Variants in CAMTA1 observed in about 807,000 individuals in gnomAD.
CAMTA1 encodes the protein calmodulin-binding transcription activator 1.
Under a neutral mutation model 170.9 loss-of-function variants are expected in CAMTA1, and 27 were observed. The observed-to-expected ratio is 0.16, with a 90% CI of 0.12 to 0.22. The LOEUF is 0.22. CAMTA1 is among the 10% of genes least tolerant of loss of function. The pLI is 1.00. For synonymous variants in CAMTA1, 833 were observed against 891.5 expected (o/e 0.93, Z 1.17); for missense variants, 1,619 against 2,217.2 (o/e 0.73, Z 5.42).
chr1:6,839,437 C>T (rs1276580289), intron 3 of CAMTA1, among the ~76,000 whole-genome samples: 1 of 152,088 alleles, frequency 6.6e-6, no homozygotes. Context: ...AATTTAATGC[C>T]ATCATTTATG....
intron 3 of CAMTA1, among the ~76,000 whole-genome samples, chr1:7,024,092 G>T (rs1028784422): frequency 1.8e-4 from 27 of 151,752 alleles, no homozygotes; most frequent in African/African-American, 6.1e-4. Flanking sequence ...AGATGGTCCT[G>T]ATGAGATCCA....
chr1:6,822,727 G>T (rs1052168331), intron 2 of CAMTA1, among the ~76,000 whole-genome samples: 18 of 151,782 alleles, frequency 1.2e-4, no homozygotes, highest in African/African-American at 4.4e-4. Flanking sequence ...TATCAGAGTG[G>T]AAGACTGAAG....
intron 6 of CAMTA1, among the ~76,000 whole-genome samples, chr1:7,470,523 G>C (rs1188492228): frequency 6.6e-6 from 1 of 152,220 alleles, no homozygotes; most frequent in African/African-American, 2.4e-5. Context: ...CATGTTGGGA[G>C]CTGAGGAAGG....
intron 6 of CAMTA1, among the ~76,000 whole-genome samples, chr1:7,614,472 A>T (rs979621387): frequency 2.0e-5 from 3 of 152,138 alleles, no homozygotes; most frequent in African/African-American, 7.2e-5. Context: ...TTTTGTACGT[A>T]ATGACAATCA....
At chr1:7,607,305 T>C (rs2095493764) in intron 6 of CAMTA1, among the ~76,000 whole-genome samples, 1 of 150,396 alleles carries the variant, frequency 6.6e-6, no homozygotes, top group Non-Finnish European at 1.5e-5. Context: ...GATGGTTGGA[T>C]GGAATGGTAG....
chr1:6,801,392 A>G (rs1019109589), intron 1 of CAMTA1, among the ~76,000 whole-genome samples: 13 of 152,110 alleles, frequency 8.5e-5, no homozygotes, highest in Non-Finnish European at 7.4e-5. Flanking sequence ...GGATGGATTT[A>G]GCTGCTCTGG....
chr1:7,720,344 C>T (rs1187196099), intron 11 of CAMTA1, among the ~76,000 whole-genome samples: 1 of 152,126 alleles, frequency 6.6e-6, no homozygotes, highest in Non-Finnish European at 1.5e-5. Context: ...AAAGGGGGAA[C>T]ATCTCAAAGT....
At chr1:7,109,976 G>A (rs777962886) in intron 4 of CAMTA1, among the ~76,000 whole-genome samples, 1 of 152,216 alleles carries the variant, frequency 6.6e-6, no homozygotes, top group Non-Finnish European at 1.5e-5. Flanking sequence ...TTTGGCCTCA[G>A]TGGCTCTGCT....
intron 3 of CAMTA1, among the ~76,000 whole-genome samples, chr1:6,902,054 C>CACAA (rs1455348114): frequency 2.0e-5 from 2 of 101,488 alleles, no homozygotes; most frequent in African/African-American, 3.6e-5. Flanking sequence ...CACACACACA[C>CACAA]ACACACACAC....
At chr1:7,269,668 G>A (rs1044166183) in intron 5 of CAMTA1, among the ~76,000 whole-genome samples, 1 of 152,208 alleles carries the variant, frequency 6.6e-6, no homozygotes, top group African/African-American at 2.4e-5. Flanking sequence ...TTAAACTGAA[G>A]CACTCAGAGA....
rs563799668 is a variant in CAMTA1, at chr1:7,648,357, G to C, written c.664+7804G>C. ...CAGTGAGCCAAGATCGTGCCATTGT[G>C]CTCCAGCCTGGGCAACAGAGTGAGA... On this transcript the variant is annotated intron_variant, in intron 7 of 22. Transcript: ENST00000303635. Among the ~76,000 whole-genome samples the C allele has an allele frequency of 3.3e-5, 5 of 150,254 alleles. No individual in the cohort carries two copies. In the South Asian group the frequency reaches 8.5e-4, roughly 25 times the overall value.
intron 6 of CAMTA1, among the ~76,000 whole-genome samples, chr1:7,638,030 C>T (rs1379106730): frequency 6.6e-6 from 1 of 152,216 alleles, no homozygotes; most frequent in African/African-American, 2.4e-5. Context: ...TTATGCCAGT[C>T]TCCTTTCTTA....
At chr1:7,700,164 A>T (rs1046908323) in intron 11 of CAMTA1, among the ~76,000 whole-genome samples, 2 of 151,374 alleles carry the variant, frequency 1.3e-5, no homozygotes, top group Non-Finnish European at 2.9e-5. Flanking sequence ...TTTACCTCTT[A>T]TATGTAGGTC....
chr1:7,647,928 A>G (rs1292201597), intron 7 of CAMTA1, among the ~76,000 whole-genome samples: 3 of 152,194 alleles, frequency 2.0e-5, no homozygotes, highest in Non-Finnish European at 4.4e-5. Flanking sequence ...TACAAAAAAT[A>G]GAAAAATTAG....
chr1:6,815,420 T>C lies in CAMTA1; in HGVS notation c.46-4761T>C, dbSNP rs1281711520. ...AGTCTTGCCATGTTGCCCAGGCTGG[T>C]ATTGAACTCCTGGGCTTAAGCAGTC... On this transcript the variant is annotated intron_variant, in intron 1 of 22. Coordinates refer to ENST00000303635, the MANE Select transcript of CAMTA1 (RefSeq NM_015215.4). Among the ~76,000 whole-genome samples, 3 of 152,162 alleles carry C rather than the reference T, an allele frequency of 2.0e-5. No homozygotes were observed. The East Asian group carries it at 5.8e-4, about 29-fold the overall frequency.
chr1:7,071,366 A>G (rs1427770972), intron 3 of CAMTA1, among the ~76,000 whole-genome samples: 4 of 152,260 alleles, frequency 2.6e-5, no homozygotes, highest in South Asian at 4.1e-4. Context: ...TTCACCCTGT[A>G]AGATGTATGG....
rs1474360502 is a variant in CAMTA1 at position 7,044,814 on chromosome 1, T to A, written c.235-46490T>A. On this transcript the variant is annotated intron_variant, in intron 3 of 22. Transcript: ENST00000303635. This position sits in a 1 kb window ranked among gnomAD's most constrained non-coding sequence, Gnocchi z 5.0. Reference sequence around the variant, plus strand: ...CCCTCACGTCCTCTCCCCCACTCCCTCCTCTTCCCGCCTGTGGTTTTCTTT... The same window carrying A: ...CCCTCACGTCCTCTCCCCCACTCCCACCTCTTCCCGCCTGTGGTTTTCTTT... 7.0e-6 allele frequency among the ~76,000 whole-genome samples: 1 copy of A among 143,630 alleles called. No homozygotes were observed. Among genetic ancestry groups the A allele is most frequent in the Non-Finnish European group, 1.5e-5 (1 of 65,810 alleles). The allele number at this position is 143,630 out of a possible 152,430, so 94.2% of individuals were successfully genotyped here. A position where few individuals can be genotyped will look rare whatever the true frequency, so the allele number is the denominator to read the frequency against.
At chr1:7,338,010 A>AACATATAT (rs1191303781) in intron 5 of CAMTA1, among the ~76,000 whole-genome samples, 3 of 142,246 alleles carry the variant, frequency 2.1e-5, no homozygotes, top group Admixed American at 6.9e-5. Context: ...ATAGCTACAT[A>AACATATAT]ACATATATAC....
Position 7,424,733 on chromosome 1 carries a change from C to T in CAMTA1, c.439-43097C>T, listed in dbSNP as rs79381326. 1.2e-3 allele frequency among the ~76,000 whole-genome samples: 178 copies of T among 152,238 alleles called. 4 individuals carry two copies. The East Asian group carries it at 0.031, about 27-fold the overall frequency. On this transcript the variant is annotated intron_variant, in intron 5 of 22. Coordinates refer to ENST00000303635, the MANE Select transcript of CAMTA1 (RefSeq NM_015215.4). ...AAAGGTGGCTTCAGAGACCCTGGAA[C>T]GTGGCCCAAAGCTGTCATGTTGCAG...
Sources: gnomAD v4.1 joint callset for allele counts (sites outside exome capture counted in the v4.1 genomes callset) on GRCh38, gnomAD v4.1.1 for gene constraint, Gnocchi (gnomAD v3.1) non-coding constraint, MANE v1.5 for transcripts, NCBI Gene and HGNC (gene_info 2026-07-23, HGNC 2026-07-21) for gene names.